KIF26B: variants seen among roughly 807,000 people sequenced by gnomAD.
KIF26B encodes the protein kinesin family member 26B.
In KIF26B, 63 loss-of-function variants were observed where a neutral mutation model predicts 151.2. That is an observed-to-expected ratio of 0.42 (90% CI 0.34 to 0.51). The LOEUF (loss-of-function observed/expected upper bound fraction) is 0.51, where lower values mean the gene tolerates loss of function less well. KIF26B is among the 20% of genes least tolerant of loss of function. The pLI, the probability that KIF26B is intolerant of heterozygous loss-of-function variation, is 0.07. For missense variants in KIF26B, 2,813 were observed against 2,913.6 expected (o/e 0.97, Z 0.79); for synonymous variants, 1,357 against 1,262.1 (o/e 1.08, Z -1.59).
intron 2 of KIF26B, among the ~76,000 whole-genome samples, chr1:245,192,318 T>C (rs1269081028): frequency 6.6e-6 from 1 of 152,026 alleles, no homozygotes; most frequent in East Asian, 1.9e-4. Flanking sequence ...GTAAGTATTT[T>C]CTGGTCTAGA....
chr1:245,227,285 A>G lies in KIF26B; in HGVS notation c.465+70602A>G, dbSNP rs1266755402. ...AGAAAGAAATTCCCCTTCCTTCCAC[A>G]GCCAGAGGATTTCAAGTCTATAATG... On this transcript the variant is annotated intron_variant, in intron 2 of 14. Transcript: ENST00000407071. This position sits in a 1 kb window ranked among gnomAD's most constrained non-coding sequence, Gnocchi z 4.1. Among the ~76,000 whole-genome samples the G allele has an allele frequency of 6.6e-6, 1 of 152,250 alleles. No individual in the cohort carries two copies. Among genetic ancestry groups the G allele is most frequent in the Non-Finnish European group, 1.5e-5 (1 of 68,040 alleles).
intron 10 of KIF26B, among the ~76,000 whole-genome samples, chr1:245,652,139 TGTGTGTGA>T (rs1202678221): frequency 1.6e-4 from 16 of 100,170 alleles, no homozygotes; most frequent in African/African-American, 4.9e-4. Flanking sequence ...TGTGTGTGTG[TGTGTGTGA>T]GAGAGACATA....
intron 2 of KIF26B, among the ~76,000 whole-genome samples, chr1:245,338,581 CGCATTTCTGTGTGGTAGTAA>C (rs1672278726): frequency 6.6e-6 from 1 of 152,200 alleles, no homozygotes; most frequent in Non-Finnish European, 1.5e-5. Flanking sequence ...TGAACACATA[CGCATTTCTGTGTGGTAGTAA>C]GCACAACTAA....
At chr1:245,427,327 G>A (rs1379824097) in intron 4 of KIF26B, among the ~76,000 whole-genome samples, 1 of 152,218 alleles carries the variant, frequency 6.6e-6, no homozygotes, top group Non-Finnish European at 1.5e-5. Flanking sequence ...AAACAAACAG[G>A]CCAGGCGTGG....
intron 4 of KIF26B, among the ~76,000 whole-genome samples, chr1:245,524,538 G>A (rs1661194941): frequency 6.6e-6 from 1 of 152,122 alleles, no homozygotes; most frequent in Non-Finnish European, 1.5e-5. Context: ...TGAAAAGTAG[G>A]TATTCAATCA....
At position 245,685,637 on chromosome 1, in the gene KIF26B, G is replaced by GC; in HGVS notation, c.2660dup (p.Asp888ArgfsTer89). On this transcript the variant is annotated frameshift_variant, in exon 12 of 15. Coordinates refer to ENST00000407071, the MANE Select transcript of KIF26B (RefSeq NM_018012.4). LOFTEE classifies it high-confidence loss of function. ...GACAAGGAGCTCACCGACAACGAGG[G>GC]CCCCCCAGACTTTGTCCCTATCGTG... 6.2e-7 allele frequency: 1 copy of GC among 1,613,304 alleles called. No homozygotes were observed. Among genetic ancestry groups the GC allele is most frequent in the Non-Finnish European group, 8.5e-7 (1 of 1,179,748 alleles).
At chr1:245,325,297 C>T (rs1671967617) in intron 2 of KIF26B, among the ~76,000 whole-genome samples, 1 of 152,118 alleles carries the variant, frequency 6.6e-6, no homozygotes, top group African/African-American at 2.4e-5. Context: ...TGTAGTTGCA[C>T]CTGCTATGTG....
At chr1:245,471,395 A>C (rs2103063904) in intron 4 of KIF26B, among the ~76,000 whole-genome samples, 1 of 152,132 alleles carries the variant, frequency 6.6e-6, no homozygotes, top group South Asian at 2.1e-4. Flanking sequence ...CGGCCTCCCA[A>C]AGTGCTGGGA....
At chr1:245,618,412 G>C (rs1264986761) in intron 9 of KIF26B, among the ~76,000 whole-genome samples, 1 of 148,202 alleles carries the variant, frequency 6.7e-6, no homozygotes, top group Non-Finnish European at 1.5e-5. Flanking sequence ...GGCTATGTCC[G>C]CAGCGTCAGT....
At chr1:245,359,631 A>ATTCATTCCTTCCTTCC (rs1558402109) in intron 2 of KIF26B, among the ~76,000 whole-genome samples, 1 of 148,220 alleles carries the variant, frequency 6.7e-6, no homozygotes, top group African/African-American at 2.6e-5. Context: ...TATTATTTTG[A>ATTCATTCCTTCCTTCC]TTCCTTCCTT....
intron 2 of KIF26B, among the ~76,000 whole-genome samples, chr1:245,351,589 T>C (rs1672570380): frequency 6.6e-6 from 1 of 152,246 alleles, no homozygotes. Context: ...ATTTAATCTT[T>C]ACATCAGCAG....
rs1491443460 is a variant in KIF26B at position 245,612,103 on chromosome 1, T to TGAGAGAGA, written c.2098+128_2098+129insAGAGAGAG. On this transcript the variant is annotated intron_variant, in intron 9 of 14. Coordinates refer to ENST00000407071, the MANE Select transcript of KIF26B (RefSeq NM_018012.4). ...GTGTGTGTGTGTGTGTGTGTGTGTG[T>TGAGAGAGA]GTGAGAGAGAGAGAGAGAGAGAGAG... 28 of 397,626 alleles carry TGAGAGAGA rather than the reference T, an allele frequency of 7.0e-5. 1 individual carries two copies. The South Asian group carries it at 1.1e-3, about 15-fold the overall frequency. 24.6% of individuals were successfully genotyped at this position (397,626 alleles called of 1,614,324 possible).
chr1:245,501,514 C>T (rs1660619116), intron 4 of KIF26B, among the ~76,000 whole-genome samples: 1 of 152,194 alleles, frequency 6.6e-6, no homozygotes, highest in Admixed American at 6.5e-5. Flanking sequence ...GAATAAATAT[C>T]TTCTTTCTCC....
chr1:245,225,425 T>C (rs1011281673), intron 2 of KIF26B, among the ~76,000 whole-genome samples: 8 of 152,244 alleles, frequency 5.3e-5, no homozygotes, highest in Non-Finnish European at 1.0e-4. Flanking sequence ...TGCAGATTCC[T>C]GCAAAGAGCA....
intron 3 of KIF26B, among the ~76,000 whole-genome samples, chr1:245,390,280 C>A (rs1673654911): frequency 6.6e-6 from 1 of 151,150 alleles, no homozygotes; most frequent in Non-Finnish European, 1.5e-5. Context: ...TGCAGTGGTG[C>A]AGTCTCGGCT....
At chr1:245,286,633 C>T (rs10802205) in intron 2 of KIF26B, among the ~76,000 whole-genome samples, 90,251 of 151,974 alleles carry the variant, frequency 0.59, 27,179 homozygotes, top group East Asian at 0.7. Context: ...TGCTGAAAAA[C>T]AATGGGATAC....
In KIF26B at chr1:245,303,354, A is replaced by T. The variant is rs111248367; in HGVS notation, c.466-63480A>T. On this transcript the variant is annotated intron_variant, in intron 2 of 14. Transcript: ENST00000407071. ...GCTGGGACTACAGGTGCCCGCCACC[A>T]CGCCCGGCTAATTTTTTGTATTTTT... Among the ~76,000 whole-genome samples, 68 of 150,798 alleles carry T rather than the reference A, an allele frequency of 4.5e-4. 1 individual carries two copies. The East Asian group carries it at 0.012, about 26-fold the overall frequency.
rs1660861716 is a variant in KIF26B at position 245,512,634 on chromosome 1, T to C, written c.1167-28133T>C. 2.0e-5 allele frequency among the ~76,000 whole-genome samples: 3 copies of C among 152,184 alleles called. No homozygotes were observed. Among genetic ancestry groups the C allele is most frequent in the Non-Finnish European group, 4.4e-5 (3 of 68,022 alleles). On this transcript the variant is annotated intron_variant, in intron 4 of 14. Coordinates refer to ENST00000407071, the MANE Select transcript of KIF26B (RefSeq NM_018012.4). This position sits in a 1 kb window ranked among gnomAD's most constrained non-coding sequence, Gnocchi z 4.3. ...TCCACTCGGATTCCTGCTGGCCAAA[T>C]GCACCTAGGGCCACGCCTTCTAAAA...
intron 10 of KIF26B, among the ~76,000 whole-genome samples, chr1:245,682,171 G>C (rs2044448378): frequency 1.3e-5 from 2 of 152,206 alleles, no homozygotes; most frequent in Non-Finnish European, 2.9e-5. Context: ...CCTGAACCTG[G>C]GAGGCGGAGA....
Sources: allele counts gnomAD v4.1 joint callset (sites outside exome capture counted in the v4.1 genomes callset), GRCh38; gene constraint gnomAD v4.1.1; non-coding constraint Gnocchi (gnomAD v3.1); transcripts MANE v1.5; gene names NCBI Gene and HGNC (gene_info 2026-07-23, HGNC 2026-07-21).